The following MAGI1 variants were observed in gnomAD, a reference collection of about 807,000 sequenced individuals.
The protein encoded by MAGI1 is membrane-associated guanylate kinase, WW and PDZ domain-containing protein 1.
MAGI1 carries 58 observed loss-of-function variants against 139.9 expected under a neutral mutation model. The ratio of observed to expected loss-of-function variants is 0.41; its 90% CI spans 0.34 to 0.52. The LOEUF is 0.52. MAGI1 is among the 20% of genes least tolerant of loss of function. The pLI is 0.12. For synonymous variants in MAGI1, 812 were observed against 737.9 expected, an observed-to-expected ratio of 1.10 and a Z score of -1.63; for missense variants, 1,874 against 1,901.6, an observed-to-expected ratio of 0.99 and a Z score of 0.27.
At chr3:65,897,478 G>T (rs1419258396) in intron 1 of MAGI1, among the ~76,000 whole-genome samples, 2 of 151,870 alleles carry the variant, frequency 1.3e-5, no homozygotes, top group African/African-American at 4.8e-5. Flanking sequence ...TGGGGTGGGG[G>T]GCAGGGGCGG....
intron 13 of MAGI1, among the ~76,000 whole-genome samples, chr3:65,398,736 T>C (rs1307371688): frequency 2.6e-5 from 4 of 152,138 alleles, no homozygotes; most frequent in Non-Finnish European, 4.4e-5. Flanking sequence ...ACAGAAAATA[T>C]GTCTTGTTTT....
intron 1 of MAGI1, among the ~76,000 whole-genome samples, chr3:65,789,267 G>GTT (rs2039600416): frequency 6.6e-6 from 1 of 152,166 alleles, no homozygotes; most frequent in South Asian, 2.1e-4. Context: ...ACATAAAGTA[G>GTT]TAAGATAGTG....
At chr3:65,450,858 T>A (rs1948992603) in intron 6 of MAGI1, among the ~76,000 whole-genome samples, 1 of 152,154 alleles carries the variant, frequency 6.6e-6, no homozygotes, top group Non-Finnish European at 1.5e-5. Context: ...ACAGGGACAA[T>A]ATTTGCAACC....
intron 18 of MAGI1, among the ~76,000 whole-genome samples, chr3:65,367,551 G>C (rs1002559520): frequency 3.9e-5 from 6 of 152,120 alleles, no homozygotes; most frequent in African/African-American, 1.4e-4. Context: ...ATTTAAGGAT[G>C]GTTTAAACGT....
At position 65,391,377 on chromosome 3, in the gene MAGI1, G is replaced by A. The variant is rs1943908167; in HGVS notation, c.2200-19C>T. 6.3e-7 allele frequency: 1 copy of A among 1,599,338 alleles called. No individual in the cohort carries two copies. The highest frequency in any genetic ancestry group is 1.3e-5 in the African/African-American group (1 of 74,656). On this transcript the variant is annotated intron_variant, in intron 13 of 22. Transcript: ENST00000402939. Reference sequence around the variant, plus strand: ...GTGGTTGCTGAAAGTAAGCAAGTGAGAGGGGCAAGAAGAAAAGATTATTAT... The same window carrying A: ...GTGGTTGCTGAAAGTAAGCAAGTGAAAGGGGCAAGAAGAAAAGATTATTAT...
At chr3:65,452,338 T>G (rs889333074) in intron 6 of MAGI1, among the ~76,000 whole-genome samples, 3 of 152,202 alleles carry the variant, frequency 2.0e-5, no homozygotes, top group Non-Finnish European at 4.4e-5. Flanking sequence ...TTTCAAAAAA[T>G]CTTCAAGTTT....
At position 65,430,850 on chromosome 3, in the gene MAGI1, C is replaced by T. The variant is rs531375857; in HGVS notation, c.1395G>A (p.Glu465=). ...TTGTGTGAATGAACTTGCCTTTCAA[C>T]TCAGAAGGGTTTCGTGTAAAAAAGG... ...GKPFFTRNPS[E]LKGKFIHTKL... is the part of the protein sequence containing the mutation. The change falls in exon 11 of 23, where the codon GAG becomes GAA. Residue 465 remains glutamate, a synonymous_variant. Coordinates refer to ENST00000402939, the MANE Select transcript of MAGI1 (RefSeq NM_001033057.2). 3.1e-6 allele frequency: 5 copies of T among 1,613,442 alleles called. No individual in the cohort carries two copies. Among genetic ancestry groups the T allele is most frequent in the South Asian group, 2.2e-5 (2 of 91,054 alleles).
chr3:65,737,936 A>G (rs184558536), intron 1 of MAGI1, among the ~76,000 whole-genome samples: 1 of 152,320 alleles, frequency 6.6e-6, no homozygotes, highest in Admixed American at 6.5e-5. Flanking sequence ...AGGACTCCTA[A>G]AATCAGATTC....
rs556178988 is a variant in MAGI1, at chr3:65,721,817, T to C, written c.314-99729A>G. On this transcript the variant is annotated intron_variant, in intron 1 of 22. Coordinates refer to ENST00000402939, the MANE Select transcript of MAGI1 (RefSeq NM_001033057.2). ...TTTCCTTAAAATGGCTGTTTCTGTT[T>C]GTATGTTTTGTTTTGTTTTTTGTTT... Among the ~76,000 whole-genome samples the C allele has an allele frequency of 2.7e-5, 4 of 150,522 alleles. No homozygotes were observed. The South Asian group carries it at 8.3e-4, about 31-fold the overall frequency.
At chr3:66,001,429 A>G (rs2066731820) in intron 1 of MAGI1, among the ~76,000 whole-genome samples, 1 of 152,224 alleles carries the variant, frequency 6.6e-6, no homozygotes, top group Admixed American at 6.5e-5. Context: ...GCCAAGATTT[A>G]TAAAACGACT....
intron 1 of MAGI1, among the ~76,000 whole-genome samples, chr3:65,634,298 C>T (rs1367710616): frequency 6.6e-6 from 1 of 152,196 alleles, no homozygotes; most frequent in Admixed American, 6.5e-5. Flanking sequence ...AAAACCAACA[C>T]ATATTCTTTC....
At chr3:65,509,478 C>A (rs920127691) in intron 2 of MAGI1, among the ~76,000 whole-genome samples, 1 of 152,200 alleles carries the variant, frequency 6.6e-6, no homozygotes, top group African/African-American at 2.4e-5. Context: ...CAGGGTGAGG[C>A]ACTGCCTCAC....
chr3:65,883,447 AT>A (rs1175644606), intron 1 of MAGI1, among the ~76,000 whole-genome samples: 2 of 152,234 alleles, frequency 1.3e-5, no homozygotes, highest in African/African-American at 4.8e-5. Context: ...GTAAGGAAGA[AT>A]TTAATACTTG....
intron 20 of MAGI1, 131 bp downstream of exon 20, chr3:65,364,534 T>A: frequency 1.3e-6 from 1 of 748,904 alleles, no homozygotes; most frequent in Non-Finnish European, 2.3e-6. Context: ...AAGTATACGT[T>A]TGGTAAATCA....
intron 1 of MAGI1, among the ~76,000 whole-genome samples, chr3:65,751,383 G>A (rs1048925657): frequency 6.6e-6 from 1 of 152,074 alleles, no homozygotes; most frequent in African/African-American, 2.4e-5. Flanking sequence ...TGTGTGGCAG[G>A]GTCAGCTTCA....
intron 2 of MAGI1, among the ~76,000 whole-genome samples, chr3:65,503,506 TGTCA>T: frequency 2.0e-5 from 3 of 152,264 alleles, no homozygotes; most frequent in African/African-American, 7.2e-5. Flanking sequence ...AACACAGTAG[TGTCA>T]GTAATTGTGT....
chr3:65,386,850 C>T lies in MAGI1; in HGVS notation c.2417-3227G>A, dbSNP rs527958281. Among the ~76,000 whole-genome samples the T allele has an allele frequency of 9.9e-5, 15 of 152,272 alleles. No homozygotes were observed. The South Asian group carries it at 3.1e-3, about 32-fold the overall frequency. On this transcript the variant is annotated intron_variant, in intron 14 of 22. Transcript: ENST00000402939. ...ATTCAATAAAGCAGTCAAAAGACTT[C>T]CTTTGATAATTAGAAAGAATGGACC...
At position 65,355,818 on chromosome 3, in the gene MAGI1, T is replaced by C. The variant is rs1297784847; in HGVS notation, c.*560A>G. The C allele has an allele frequency of 4.6e-5, 7 of 152,690 alleles. No homozygotes were observed. Among genetic ancestry groups the C allele is most frequent in the Admixed American group, 4.6e-4 (7 of 15,292 alleles). 9.5% of individuals were successfully genotyped at this position (152,690 alleles called of 1,614,324 possible). On this transcript the variant is annotated 3_prime_UTR_variant, in exon 23 of 23. Transcript: ENST00000402939. ...TATCCTTCATTTGCAATAGTAGTCT[T>C]GTCATACAGTTTGCTTACTTTTAGG...
chr3:65,645,904 G>A (rs2085233246), intron 1 of MAGI1, among the ~76,000 whole-genome samples: 1 of 151,802 alleles, frequency 6.6e-6, no homozygotes, highest in African/African-American at 2.4e-5. Context: ...AGGCTAAAAA[G>A]AGATATGCTC....
Sources: gnomAD v4.1 joint callset for allele counts (sites outside exome capture counted in the v4.1 genomes callset) on GRCh38, gnomAD v4.1.1 for gene constraint, MANE v1.5 for transcripts, NCBI Gene and HGNC (gene_info 2026-07-23, HGNC 2026-07-21) for gene names.